The following LIN28B variants were observed in gnomAD, a reference collection of about 807,000 sequenced individuals.
LIN28B encodes the protein lin-28 RNA binding posttranscriptional regulator B, also known as protein lin-28 homolog B.
In LIN28B, 5 loss-of-function variants were observed where a neutral mutation model predicts 21.9. The observed-to-expected ratio is 0.23, with a 90% CI of 0.12 to 0.48. The LOEUF (loss-of-function observed/expected upper bound fraction) is 0.48, where lower values mean the gene tolerates loss of function less well. Ranked by LOEUF, LIN28B falls within the 20% of genes least tolerant of loss-of-function variation. The pLI is 0.98. For synonymous variants in LIN28B, 109 were observed against 111.3 expected, an observed-to-expected ratio of 0.98 and a Z score of 0.13; for missense variants, 245 against 310.5, an observed-to-expected ratio of 0.79 and a Z score of 1.58.
intron 3 of LIN28B, among the ~76,000 whole-genome samples, chr6:105,066,554 A>C (rs1025735499): frequency 6.6e-5 from 10 of 152,130 alleles, no homozygotes; most frequent in African/African-American, 2.2e-4. Flanking sequence ...GGAATTTCTC[A>C]TGTTCTCTCT....
At chr6:105,061,509 T>C (rs1772120640) in intron 3 of LIN28B, among the ~76,000 whole-genome samples, 1 of 146,344 alleles carries the variant, frequency 6.8e-6, no homozygotes, top group Non-Finnish European at 1.5e-5. Context: ...TTGCTCTCGC[T>C]CCCCCCACCC....
chr6:105,050,264 TTA>T (rs2114383177), intron 3 of LIN28B, among the ~76,000 whole-genome samples: 1 of 152,256 alleles, frequency 6.6e-6, no homozygotes, highest in East Asian at 1.9e-4. Flanking sequence ...CTTATGAAGC[TTA>T]GTTTGGCTGG....
At chr6:105,049,308 G>A (rs1028840071) in intron 3 of LIN28B, among the ~76,000 whole-genome samples, 1 of 152,278 alleles carries the variant, frequency 6.6e-6, no homozygotes. Flanking sequence ...GTAGTTGAGC[G>A]GTTTTGAATG....
intron 2 of LIN28B, among the ~76,000 whole-genome samples, chr6:104,984,660 A>G (rs1255424167): frequency 1.3e-5 from 2 of 151,964 alleles, no homozygotes; most frequent in Non-Finnish European, 2.9e-5. Flanking sequence ...GGTCTTGAAC[A>G]CCTGGCCTCA....
At chr6:104,954,077 A>C (rs898784010), upstream of LIN28B, among the ~76,000 whole-genome samples, 1 of 152,170 alleles carries the variant, frequency 6.6e-6, no homozygotes, top group African/African-American at 2.4e-5. Context: ...TACATTGACG[A>C]TTCTTTGTAG....
intron 2 of LIN28B, among the ~76,000 whole-genome samples, chr6:104,978,081 A>T (rs758134564): frequency 6.6e-6 from 1 of 151,876 alleles, no homozygotes; most frequent in Non-Finnish European, 1.5e-5. Flanking sequence ...TTCTAATACC[A>T]CTCTTACATA....
chr6:105,035,664 T>G (rs1395682596), intron 3 of LIN28B, among the ~76,000 whole-genome samples: 1 of 152,190 alleles, frequency 6.6e-6, no homozygotes, highest in Non-Finnish European at 1.5e-5. Flanking sequence ...ATCACTATGG[T>G]TTACTTCAAG....
chr6:105,023,628 T>A (rs9386435), intron 2 of LIN28B, among the ~76,000 whole-genome samples: 1,229 of 46,466 alleles, frequency 0.026, 84 homozygotes, highest in Non-Finnish European at 0.034. Flanking sequence ...TATTATATAT[T>A]TTATATATAT....
At chr6:104,975,945 G>A (rs1233621026) in intron 2 of LIN28B, among the ~76,000 whole-genome samples, 1 of 150,170 alleles carries the variant, frequency 6.7e-6, no homozygotes, top group Non-Finnish European at 1.5e-5. Context: ...GCCTCCCAAA[G>A]TGCTGAGATT....
intron 3 of LIN28B, among the ~76,000 whole-genome samples, chr6:104,951,888 C>G (rs1042373670): frequency 3.9e-5 from 6 of 152,202 alleles, no homozygotes; most frequent in African/African-American, 1.4e-4. Context: ...ATTCTGGCCT[C>G]CATTTTCTAG....
rs78352770 is a variant in LIN28B at position 105,009,943 on chromosome 6, C to T, written c.199-16355C>T. 2.8e-3 allele frequency among the ~76,000 whole-genome samples: 427 copies of T among 152,216 alleles called. 6 individuals carry two copies. The highest frequency in any genetic ancestry group is 9.8e-3 in the African/African-American group (409 of 41,550). On this transcript the variant is annotated intron_variant, in intron 2 of 3. Transcript: ENST00000345080. Reference sequence around the variant, plus strand: ...GTTTCATTCATATTCATATTCATTTCCTCATATTCATCTCTCTGTCTCTTC... The same window carrying T: ...GTTTCATTCATATTCATATTCATTTTCTCATATTCATCTCTCTGTCTCTTC...
intron 2 of LIN28B, among the ~76,000 whole-genome samples, chr6:104,985,428 G>A (rs970687447): frequency 6.6e-6 from 1 of 152,150 alleles, no homozygotes; most frequent in Admixed American, 6.5e-5. Context: ...TCCTGTTTAA[G>A]TGTGTTTTGC....
chr6:105,079,020 G>T lies in LIN28B; in HGVS notation c.*237G>T, dbSNP rs1400922818. ...TCTGTCAATATGTGCATGTGTGAGAGGGAGAGAGCCTGAGTCTGTGTGTGT... is the reference window on the plus strand; with the variant it reads ...TCTGTCAATATGTGCATGTGTGAGATGGAGAGAGCCTGAGTCTGTGTGTGT... On this transcript the variant is annotated 3_prime_UTR_variant, in exon 4 of 4. Coordinates refer to ENST00000345080, the MANE Select transcript of LIN28B (RefSeq NM_001004317.4). 8 of 457,664 alleles carry T rather than the reference G, an allele frequency of 1.7e-5. No individual in the cohort carries two copies. Among genetic ancestry groups the T allele is most frequent in the Non-Finnish European group, 3.1e-5 (8 of 256,716 alleles). 28.4% of individuals were successfully genotyped at this position (457,664 alleles called of 1,614,324 possible). A position where few individuals can be genotyped will look rare whatever the true frequency, so the allele number is the denominator to read the frequency against.
chr6:105,076,973 T>C (rs1476001131), intron 3 of LIN28B, among the ~76,000 whole-genome samples: 1 of 151,636 alleles, frequency 6.6e-6, no homozygotes, highest in Non-Finnish European at 1.5e-5. Context: ...CTCACGTCTG[T>C]AATCCCAGCA....
chr6:105,058,263 C>T (rs1308112540), intron 3 of LIN28B, among the ~76,000 whole-genome samples: 2 of 152,148 alleles, frequency 1.3e-5, no homozygotes, highest in Non-Finnish European at 2.9e-5. Flanking sequence ...AGGGGGAGAT[C>T]GTTTTCTCTT....
intron 2 of LIN28B, among the ~76,000 whole-genome samples, chr6:105,008,275 G>A (rs760422519): frequency 6.6e-6 from 1 of 152,190 alleles, no homozygotes; most frequent in Non-Finnish European, 1.5e-5. Context: ...TGTATCTTGA[G>A]AGTGACCATA....
At chr6:105,002,066 G>C (rs1582889165) in intron 2 of LIN28B, among the ~76,000 whole-genome samples, 1 of 151,982 alleles carries the variant, frequency 6.6e-6, no homozygotes, top group Admixed American at 6.6e-5. Context: ...TTAGAGCAGA[G>C]TTGTGGAACT....
intron 3 of LIN28B, among the ~76,000 whole-genome samples, chr6:105,036,135 G>A (rs915397623): frequency 4.0e-5 from 6 of 151,754 alleles, no homozygotes; most frequent in Non-Finnish European, 7.4e-5. Context: ...TTGTAACTCC[G>A]AACTATAGAT....
chr6:105,022,318 A>G (rs1771157824), intron 2 of LIN28B, among the ~76,000 whole-genome samples: 1 of 152,204 alleles, frequency 6.6e-6, no homozygotes, highest in Non-Finnish European at 1.5e-5. Flanking sequence ...TTAATAGGAG[A>G]AAAGGCTTAC....
Sources: gnomAD v4.1 joint callset for allele counts (sites outside exome capture counted in the v4.1 genomes callset) on GRCh38, gnomAD v4.1.1 for gene constraint, MANE v1.5 for transcripts, NCBI Gene and HGNC (gene_info 2026-07-23, HGNC 2026-07-21) for gene names.